Variants in CERCAM observed in about 807,000 individuals in gnomAD.
CERCAM encodes inactive glycosyltransferase 25 family member 3.
Under a neutral mutation model 66.0 loss-of-function variants are expected in CERCAM, and 59 were observed. The ratio of observed to expected loss-of-function variants is 0.89; its 90% CI spans 0.73 to 1.11. The LOEUF (loss-of-function observed/expected upper bound fraction) is 1.11, where lower values mean the gene tolerates loss of function less well. Among genes scored for constraint, CERCAM ranks in the 50% most tolerant of loss-of-function variants. The pLI is 0.00. For synonymous variants in CERCAM, 318 were observed against 343.6 expected, an observed-to-expected ratio of 0.93 and a Z score of 0.83; for missense variants, 840 against 828.3, an observed-to-expected ratio of 1.01 and a Z score of -0.17.
At chr9:128,425,959 C>A (rs756684684) in intron 5 of CERCAM, among the ~76,000 whole-genome samples, 1 of 151,906 alleles carries the variant, frequency 6.6e-6, no homozygotes, top group Non-Finnish European at 1.5e-5. Context: ...TGCACACCAC[C>A]ATGCCCAGCT....
chr9:128,424,812 T>C (rs1480760976), intron 5 of CERCAM, among the ~76,000 whole-genome samples, 198 bp downstream of exon 5: 2 of 148,928 alleles, frequency 1.3e-5, no homozygotes, highest in Non-Finnish European at 3.0e-5. Flanking sequence ...AAACTCTGCC[T>C]CCCGGGTTCA....
Position 128,434,575 on chromosome 9 carries a change from G to A in CERCAM, c.1497G>A (p.Val499=), listed in dbSNP as rs1834064625. The change falls in exon 11 of 13, where the codon GTG becomes GTA. Residue 499 remains valine, a synonymous_variant. Transcript: ENST00000372838. This position sits in a 1 kb window ranked among gnomAD's most constrained non-coding sequence, Gnocchi z 4.5. ...ASQPLRRMLP[V]DEFLPIMFDQ... ...AGCCTCTGCGCCGCATGCTGCCCGT[G>A]GACGAGTTCCTGCCCATCATGTTCG... is the stretch of plus-strand genomic sequence containing the variant. The A allele has an allele frequency of 6.2e-7, 1 of 1,610,806 alleles. No homozygotes were observed. Among genetic ancestry groups the A allele is most frequent in the Non-Finnish European group, 8.5e-7 (1 of 1,179,916 alleles).
At position 128,435,701 on chromosome 9, in the gene CERCAM, C is replaced by T. The variant is rs762349552; in HGVS notation, c.1584C>T (p.Ser528=). The T allele has an allele frequency of 2.0e-5, 32 of 1,613,712 alleles. No individual in the cohort carries two copies. The Middle Eastern group carries it at 4.9e-4, about 25-fold the overall frequency. Residue 528 remains serine (S), a synonymous_variant, in exon 12 of 13, where the codon TCC becomes TCT. Coordinates refer to ENST00000372838, the MANE Select transcript of CERCAM (RefSeq NM_016174.5). ...GGCCACGGGACCTGGTGGCCTTCTC[C>T]GCCCAGCCCCTGCTCGCTGCCCCTA... ...HFWPRDLVAF[S]AQPLLAAPTH...
Position 128,428,394 on chromosome 9 carries a change from T to C in CERCAM, c.859T>C (p.Phe287Leu). The change falls in exon 6 of 13, where the codon TTC becomes CTC. Residue 287 changes from phenylalanine (F) to leucine (L), a missense_variant. Coordinates refer to ENST00000372838, the MANE Select transcript of CERCAM (RefSeq NM_016174.5). ...HQGLEDERVN[F>L]IHLILEALVD... Reference sequence around the variant, plus strand: ...GGGGCTGGAAGACGAGAGGGTCAACTTCATCCACCTGATCTTAGAAGCACT... The same window carrying C: ...GGGGCTGGAAGACGAGAGGGTCAACCTCATCCACCTGATCTTAGAAGCACT... The C allele has an allele frequency of 1.2e-6, 2 of 1,614,112 alleles. No individual in the cohort carries two copies. The highest frequency in any genetic ancestry group is 2.2e-5 in the East Asian group (1 of 44,882).
At position 128,434,702 on chromosome 9, in the gene CERCAM, C is replaced by A; in HGVS notation, c.1535+89C>A. The A allele has an allele frequency of 7.6e-7, 1 of 1,320,614 alleles. No homozygotes were observed. The highest frequency in any genetic ancestry group is 1.0e-6 in the Non-Finnish European group (1 of 961,070). The allele number at this position is 1,320,614 out of a possible 1,614,324, so 81.8% of individuals were successfully genotyped here. Reference sequence around the variant, plus strand: ...GTCAGCAGGAAGTCCCCTCACCTGGCAGATGGGGAGACTGGGACTGGCAAG... The same window carrying A: ...GTCAGCAGGAAGTCCCCTCACCTGGAAGATGGGGAGACTGGGACTGGCAAG... On this transcript the variant is annotated intron_variant, in intron 11 of 12. Transcript: ENST00000372838. This position sits in a 1 kb window ranked among gnomAD's most constrained non-coding sequence, Gnocchi z 4.5.
At chr9:128,424,757 TTCTC>T (rs200245499) in intron 5 of CERCAM, 143 bp downstream of exon 5, 2 of 710,738 alleles carry the variant, frequency 2.8e-6, no homozygotes, top group South Asian at 2.0e-5. Flanking sequence ...GAGTTTTCTT[TTCTC>T]TCTCTTTTTT....
chr9:128,427,655 C>G (rs1423155317), intron 5 of CERCAM: 1 of 151,974 alleles, frequency 6.6e-6, no homozygotes, highest in East Asian at 1.9e-4. Context: ...TTCCCAGCTA[C>G]TCAGGAGGCT....
upstream of CERCAM, chr9:128,420,815 C>G (rs1219828504): frequency 2.5e-6 from 2 of 814,456 alleles, no homozygotes; most frequent in African/African-American, 3.6e-5. This position sits in a 1 kb window ranked among gnomAD's most constrained non-coding sequence, Gnocchi z 5.0. Flanking sequence ...CCCCAGGCCC[C>G]GCCCCCTCCC....
intron 6 of CERCAM, 141 bp downstream of exon 6, chr9:128,428,562 G>C: frequency 8.2e-7 from 1 of 1,212,284 alleles, no homozygotes; most frequent in Admixed American, 2.2e-5. Flanking sequence ...ATGACTCTGA[G>C]AAAGTCCCTT....
At chr9:128,423,330 G>T (rs1001885946) in intron 3 of CERCAM, 67 bp downstream of exon 3, 7 of 1,361,600 alleles carry the variant, frequency 5.1e-6, no homozygotes, top group African/African-American at 1.4e-5. Flanking sequence ...AGAAATCTGG[G>T]TATAGGCTGG....
chr9:128,434,662 C>T lies in CERCAM; in HGVS notation c.1535+49C>T, dbSNP rs770215757. 4.5e-6 allele frequency: 7 copies of T among 1,547,546 alleles called. No individual in the cohort carries two copies. In the South Asian group the frequency reaches 6.8e-5, roughly 15 times the overall value. ...CATGGCAGGGCAGAGGCGTCCCCTC[C>T]AGGAACTCACCTCAGTCAGCAGGAA... On this transcript the variant is annotated intron_variant, in intron 11 of 12. Coordinates refer to ENST00000372838, the MANE Select transcript of CERCAM (RefSeq NM_016174.5). The surrounding 1 kb of genome is among the most constrained non-coding windows in gnomAD (Gnocchi z 4.5).
intron 1 of CERCAM, chr9:128,422,533 A>G (rs1031925180): frequency 8.4e-6 from 2 of 238,744 alleles, no homozygotes; most frequent in African/African-American, 4.4e-5. Flanking sequence ...ATACCACTGC[A>G]CTACAGCCTG....
In CERCAM at chr9:128,423,243, T is replaced by C. The variant is rs1833753642; in HGVS notation, c.406T>C (p.Trp136Arg). The C allele has an allele frequency of 6.2e-7, 1 of 1,613,870 alleles. No homozygotes were observed. The highest frequency in any genetic ancestry group is 1.1e-5 in the South Asian group (1 of 91,080). Residue 136 changes from tryptophan (W) to arginine (R), a missense_variant, in exon 3 of 13, where the codon TGG (tryptophan) becomes CGG (arginine). By Grantham distance (101) the Trp-to-Arg change is moderately radical. Coordinates refer to ENST00000372838, the MANE Select transcript of CERCAM (RefSeq NM_016174.5). The part of the protein sequence containing the change: ...KQEALTFARN[W>R]GADYILFADT... The stretch of plus-strand genomic sequence containing the variant: ...GGAAGCCCTCACCTTTGCCAGGAAC[T>C]GGGGGGCCGACTATATCCTGGTGAG...
Position 128,428,762 on chromosome 9 carries a change from G to A in CERCAM, c.892G>A (p.Gly298Ser), listed in dbSNP as rs11554802. The stretch of plus-strand genomic sequence containing the variant: ...GGGTGTGCTTCCCTTTGCAGTGGAC[G>A]GCCCCCGCATGCAGGCCTCAGCTCA... ...IHLILEALVD[G>S]PRMQASAHVT... Residue 298 changes from glycine (G) to serine (S), a missense_variant, in exon 7 of 13, where the codon GGC becomes AGC. By Grantham distance (56) the Gly-to-Ser change is moderately conservative. Coordinates refer to ENST00000372838, the MANE Select transcript of CERCAM (RefSeq NM_016174.5). 15,528 of 1,613,756 alleles carry A rather than the reference G, an allele frequency of 9.6e-3. 1,221 individuals carry two copies. The African/African-American group carries it at 0.18, about 18-fold the overall frequency.
chr9:128,429,775 A>G (rs1833932319), intron 8 of CERCAM, among the ~76,000 whole-genome samples: 1 of 151,746 alleles, frequency 6.6e-6, no homozygotes, highest in South Asian at 2.1e-4. Context: ...TATCACATCC[A>G]GCTAATTAAA....
In CERCAM at chr9:128,428,993, G is replaced by C; in HGVS notation, c.1027G>C (p.Glu343Gln). The change falls in exon 8 of 13, where the codon GAG becomes CAG. Residue 343 changes from glutamate to glutamine, a missense_variant. Transcript: ENST00000372838. ...GGAACGCATGCTCGCCTCGCTCTGG[G>C]AGATGGAGATCTCTGGGAGGGTGGT... The part of the protein sequence containing the change: ...RRERMLASLW[E>Q]MEISGRVVDA... 3 of 1,611,238 alleles carry C rather than the reference G, an allele frequency of 1.9e-6. No individual in the cohort carries two copies. The highest frequency in any genetic ancestry group is 2.5e-6 in the Non-Finnish European group (3 of 1,179,198).
chr9:128,424,468 G>A lies in CERCAM; in HGVS notation c.620G>A (p.Cys207Tyr). ...ACCAAGAACCGCCAGCGCCGGGGCT[G>A]CTTCCGTGTCCCCATGGTCCACTCC... ...FPTKNRQRRG[C>Y]FRVPMVHSTF... Residue 207 changes from cysteine to tyrosine, a missense_variant, in exon 5 of 13, where the codon TGC becomes TAC. Physicochemically the swap from Cys to Tyr is radical, Grantham distance 194. Transcript: ENST00000372838. 6 of 1,613,930 alleles carry A rather than the reference G, an allele frequency of 3.7e-6. No homozygotes were observed. Among genetic ancestry groups the A allele is most frequent in the Non-Finnish European group, 5.1e-6 (6 of 1,179,988 alleles).
At chr9:128,428,485 CT>C (rs1833899036) in intron 6 of CERCAM, 64 bp downstream of exon 6, 2 of 1,591,994 alleles carry the variant, frequency 1.3e-6, no homozygotes, top group African/African-American at 1.3e-5. Flanking sequence ...CACGGTGCCC[CT>C]TTCCCTAGGC....
At chr9:128,435,944 C>T (rs764404565) in intron 12 of CERCAM, 39 bp downstream of exon 12, 4 of 1,552,666 alleles carry the variant, frequency 2.6e-6, no homozygotes, top group Non-Finnish European at 2.6e-6. Context: ...CCCCGTAGAC[C>T]TTGGCTTGCT....
Sources: gnomAD v4.1 joint callset for allele counts (sites outside exome capture counted in the v4.1 genomes callset) on GRCh38, gnomAD v4.1.1 for gene constraint, Gnocchi (gnomAD v3.1) non-coding constraint, MANE v1.5 for transcripts, NCBI Gene and HGNC (gene_info 2026-07-23, HGNC 2026-07-21) for gene names.